NRXN3: variants seen among roughly 807,000 people sequenced by gnomAD.
The protein encoded by NRXN3 is neurexin III.
A neutral mutation model predicts 137.6 loss-of-function variants in NRXN3; 32 were observed. That is an observed-to-expected ratio of 0.23 (90% confidence interval 0.18 to 0.31). NRXN3 has a LOEUF of 0.31. Among genes scored for constraint, NRXN3 ranks in the 10% least tolerant of loss-of-function variants. NRXN3 has a pLI of 1.00. For missense variants in NRXN3, 1,574 were observed against 2,062.5 expected, an observed-to-expected ratio of 0.76 and a Z score of 4.59; for synonymous variants, 798 against 784.5, an observed-to-expected ratio of 1.02 and a Z score of -0.29.
chr14:78,910,654 T>A (rs1013562145), intron 10 of NRXN3, among the ~76,000 whole-genome samples: 4 of 152,044 alleles, frequency 2.6e-5, no homozygotes, highest in African/African-American at 9.7e-5. Context: ...TGGGCTTTAT[T>A]TCATTTTCTT....
chr14:79,205,463 AG>A (rs897537270), intron 15 of NRXN3, among the ~76,000 whole-genome samples: 5 of 152,204 alleles, frequency 3.3e-5, no homozygotes, highest in Admixed American at 1.3e-4. Context: ...CTGCCTAAAA[AG>A]TTTGTTACTC....
chr14:79,459,253 A>G (rs1420925534), intron 15 of NRXN3, among the ~76,000 whole-genome samples: 1 of 152,144 alleles, frequency 6.6e-6, no homozygotes, highest in East Asian at 1.9e-4. Context: ...AAATTCAGAT[A>G]TTAAAGTCAT....
At chr14:79,239,200 C>G (rs111335630) in intron 15 of NRXN3, among the ~76,000 whole-genome samples, 5 of 152,066 alleles carry the variant, frequency 3.3e-5, no homozygotes, top group African/African-American at 1.2e-4. Flanking sequence ...TGCTGTAATA[C>G]AAACAATGTG....
chr14:79,056,016 C>A (rs2099660919), intron 15 of NRXN3, among the ~76,000 whole-genome samples: 1 of 152,156 alleles, frequency 6.6e-6, no homozygotes, highest in South Asian at 2.1e-4. Context: ...TATATGATTT[C>A]TTTTGACTTC....
At chr14:79,059,925 A>G (rs2099672112) in intron 15 of NRXN3, among the ~76,000 whole-genome samples, 1 of 152,174 alleles carries the variant, frequency 6.6e-6, no homozygotes, top group Admixed American at 6.5e-5. Flanking sequence ...ATATCCATAC[A>G]AATACCAGGA....
At chr14:79,404,680 G>A (rs2095274854) in intron 15 of NRXN3, among the ~76,000 whole-genome samples, 1 of 152,148 alleles carries the variant, frequency 6.6e-6, no homozygotes, top group Admixed American at 6.6e-5. Context: ...TGGGAACGAA[G>A]AACTAAAAAG....
At chr14:79,234,284 T>G (rs2072803585) in intron 15 of NRXN3, among the ~76,000 whole-genome samples, 1 of 79,730 alleles carries the variant, frequency 1.3e-5, no homozygotes, top group African/African-American at 4.9e-5. Flanking sequence ...GGGAACATAT[T>G]CAATGGTAAA....
chr14:78,577,772 G>A (rs2096951867), intron 4 of NRXN3, among the ~76,000 whole-genome samples: 1 of 152,152 alleles, frequency 6.6e-6, no homozygotes, highest in African/African-American at 2.4e-5. Flanking sequence ...GAAACTGAGG[G>A]TCACAGAAGT....
intron 4 of NRXN3, among the ~76,000 whole-genome samples, chr14:78,565,298 C>A (rs551488294): frequency 2.6e-4 from 40 of 152,330 alleles, no homozygotes; most frequent in Admixed American, 1.2e-3. Context: ...CCCCTGTAAA[C>A]AGAGCTCTAC....
At chr14:79,495,161 G>GTA (rs2096754149) in intron 16 of NRXN3, among the ~76,000 whole-genome samples, 2 of 152,124 alleles carry the variant, frequency 1.3e-5, no homozygotes, top group South Asian at 2.1e-4. Context: ...GAGGGCCAGG[G>GTA]TATAGCATGT....
intron 16 of NRXN3, among the ~76,000 whole-genome samples, chr14:79,538,315 T>A (rs2097234843): frequency 2.0e-5 from 3 of 152,222 alleles, no homozygotes; most frequent in Admixed American, 1.3e-4. Context: ...CATTTGTTAG[T>A]TTTGGCTTTT....
At chr14:79,701,491 C>T (rs1289519813) in intron 19 of NRXN3, among the ~76,000 whole-genome samples, 1 of 152,002 alleles carries the variant, frequency 6.6e-6, no homozygotes, top group Non-Finnish European at 1.5e-5. Flanking sequence ...AGATGGGACT[C>T]AGCAGGGCCC....
chr14:78,190,840 A>ATT (rs1245349997), intron 1 of NRXN3, among the ~76,000 whole-genome samples: 1 of 151,658 alleles, frequency 6.6e-6, no homozygotes, highest in Non-Finnish European at 1.5e-5. Context: ...CACCTGGCTA[A>ATT]TTTTTGTATT....
At chr14:79,301,288 T>C (rs1354508252) in intron 15 of NRXN3, among the ~76,000 whole-genome samples, 1 of 152,068 alleles carries the variant, frequency 6.6e-6, no homozygotes, top group African/African-American at 2.4e-5. Context: ...CCCTGGCAGC[T>C]TTTTTGTTGC....
At chr14:78,558,852 A>G (rs1394992056) in intron 4 of NRXN3, among the ~76,000 whole-genome samples, 2 of 152,224 alleles carry the variant, frequency 1.3e-5, no homozygotes, top group Non-Finnish European at 1.5e-5. Context: ...TGCTAAGTGC[A>G]TTACCTACAT....
At chr14:79,530,368 T>C (rs981935015) in intron 16 of NRXN3, among the ~76,000 whole-genome samples, 1 of 152,078 alleles carries the variant, frequency 6.6e-6, no homozygotes, top group Admixed American at 6.6e-5. Context: ...TTAAAAAATT[T>C]TAATTATACA....
At chr14:78,501,941 C>T (rs927014994) in intron 4 of NRXN3, among the ~76,000 whole-genome samples, 14 of 151,864 alleles carry the variant, frequency 9.2e-5, no homozygotes, top group Admixed American at 7.9e-4. Flanking sequence ...TTCTATGCAG[C>T]CCCCCCAGGG....
At chr14:79,196,845 A>G (rs879417954) in intron 15 of NRXN3, among the ~76,000 whole-genome samples, 3 of 152,182 alleles carry the variant, frequency 2.0e-5, no homozygotes, top group African/African-American at 7.2e-5. Context: ...ATAACAAACA[A>G]CCACAATATC....
At chr14:78,377,182 G>A (rs73319508) in intron 4 of NRXN3, among the ~76,000 whole-genome samples, 4,278 of 152,220 alleles carry the variant, frequency 0.028, 178 homozygotes, top group African/African-American at 0.093. Context: ...ATACACTTTC[G>A]ATATAATTAT....
Sources: gnomAD v4.1 joint callset for allele counts (sites outside exome capture counted in the v4.1 genomes callset) on GRCh38, gnomAD v4.1.1 for gene constraint, MANE v1.5 for transcripts, NCBI Gene and HGNC (gene_info 2026-07-23, HGNC 2026-07-21) for gene names.